Variants in HTR4 observed in about 807,000 individuals in gnomAD.
The protein encoded by HTR4 is 5-hydroxytryptamine receptor 4.
HTR4 carries 16 observed loss-of-function variants against 36.8 expected under a neutral mutation model. The observed-to-expected ratio is 0.43, with a 90% CI of 0.29 to 0.66. HTR4 has a LOEUF of 0.66. Ranked by LOEUF, HTR4 falls within the 30% of genes least tolerant of loss-of-function variation. HTR4 has a pLI of 0.13. For missense variants in HTR4, 438 were observed against 490.9 expected, an observed-to-expected ratio of 0.89 and a Z score of 1.02; for synonymous variants, 189 against 185.1, an observed-to-expected ratio of 1.02 and a Z score of -0.17.
intron 2 of HTR4, among the ~76,000 whole-genome samples, chr5:148,625,626 G>A (rs1049510359): frequency 1.3e-5 from 2 of 152,110 alleles, no homozygotes; most frequent in African/African-American, 4.8e-5. Flanking sequence ...TTGTCGCCAG[G>A]CTGGAGTGCA....
chr5:148,526,562 CA>C (rs1488634796), intron 4 of HTR4, among the ~76,000 whole-genome samples: 5 of 152,106 alleles, frequency 3.3e-5, no homozygotes, highest in African/African-American at 1.2e-4. Flanking sequence ...TTCAAAAACA[CA>C]AGGCCAAATT....
intron 2 of HTR4, among the ~76,000 whole-genome samples, chr5:148,622,852 CACAA>C (rs1436536895): frequency 2.0e-5 from 3 of 152,068 alleles, no homozygotes; most frequent in Non-Finnish European, 2.9e-5. Flanking sequence ...CCTTTTTAAC[CACAA>C]ACAGCCATAC....
At chr5:148,600,989 A>C (rs1184341168) in intron 2 of HTR4, among the ~76,000 whole-genome samples, 2 of 148,206 alleles carry the variant, frequency 1.3e-5, no homozygotes, top group East Asian at 1.9e-4. Context: ...AAAAAAAAAA[A>C]AAAAAAAAAA....
chr5:148,564,924 G>A (rs67809946), intron 2 of HTR4, among the ~76,000 whole-genome samples: 80,515 of 151,526 alleles, frequency 0.53, 22,480 homozygotes, highest in African/African-American at 0.72. Flanking sequence ...AGCCTGGCCA[G>A]TATGGTGAAA....
intron 1 of HTR4, among the ~76,000 whole-genome samples, chr5:148,647,701 T>C (rs984931982): frequency 4.6e-5 from 7 of 152,220 alleles, no homozygotes; most frequent in African/African-American, 1.7e-4. Flanking sequence ...GTACAAAAAT[T>C]AGCTGGGCGT....
rs754950488 is a variant in HTR4 at position 148,571,939 on chromosome 5, A to T, written c.27-21677T>A. Reference sequence around the variant, plus strand: ...GAATATCTAATTTGACAATATTTGCAAATCAAGTTTGTGGAATTTTGGTGT... The same window carrying T: ...GAATATCTAATTTGACAATATTTGCTAATCAAGTTTGTGGAATTTTGGTGT... On this transcript the variant is annotated intron_variant, in intron 2 of 6. Transcript: ENST00000377888. Among the ~76,000 whole-genome samples the T allele has an allele frequency of 5.9e-5, 9 of 152,248 alleles. No individual in the cohort carries two copies. In the South Asian group the frequency reaches 6.2e-4, roughly 11 times the overall value.
At chr5:148,514,760 A>AT (rs1327105621) in intron 5 of HTR4, among the ~76,000 whole-genome samples, 3 of 152,124 alleles carry the variant, frequency 2.0e-5, no homozygotes, top group African/African-American at 7.2e-5. Flanking sequence ...TTGAATTGAT[A>AT]TTTTTATCAT....
At chr5:148,622,535 G>T in intron 2 of HTR4, among the ~76,000 whole-genome samples, 1 of 152,152 alleles carries the variant, frequency 6.6e-6, no homozygotes, top group African/African-American at 2.4e-5. Flanking sequence ...ATACTCCTGT[G>T]TTTACTTACT....
downstream of HTR4, among the ~76,000 whole-genome samples, chr5:148,473,547 A>C (rs546050312): frequency 6.6e-6 from 1 of 152,304 alleles, no homozygotes; most frequent in South Asian, 2.1e-4. Flanking sequence ...ATCTTAGTGA[A>C]TCTCACTGGT....
chr5:148,581,485 C>G (rs1158426486), intron 2 of HTR4, among the ~76,000 whole-genome samples: 1 of 151,916 alleles, frequency 6.6e-6, no homozygotes, highest in African/African-American at 2.4e-5. Flanking sequence ...ATCTTATGTT[C>G]AAATCTGTAA....
At chr5:148,652,065 A>G (rs1754055470) in intron 1 of HTR4, among the ~76,000 whole-genome samples, 1 of 152,188 alleles carries the variant, frequency 6.6e-6, no homozygotes, top group South Asian at 2.1e-4. Flanking sequence ...CTAAAAAACT[A>G]ATTTAACTTG....
chr5:148,515,065 T>C (rs990765345), intron 5 of HTR4, among the ~76,000 whole-genome samples: 18 of 152,222 alleles, frequency 1.2e-4, no homozygotes, highest in African/African-American at 4.3e-4. Context: ...ATAATCTTAC[T>C]GTTATCTATT....
chr5:148,527,940 A>G (rs1758363155), intron 4 of HTR4, among the ~76,000 whole-genome samples: 2 of 152,168 alleles, frequency 1.3e-5, no homozygotes, highest in Non-Finnish European at 2.9e-5. Flanking sequence ...ATATACAGTC[A>G]GTTCCCTGGA....
At chr5:148,555,138 G>C (rs1759886164) in intron 2 of HTR4, among the ~76,000 whole-genome samples, 1 of 152,028 alleles carries the variant, frequency 6.6e-6, no homozygotes. Context: ...CTATATTGGG[G>C]GCAGGCTGGC....
At chr5:148,549,254 G>T (rs1190725996) in intron 3 of HTR4, among the ~76,000 whole-genome samples, 4 of 152,160 alleles carry the variant, frequency 2.6e-5, no homozygotes, top group African/African-American at 9.7e-5. Flanking sequence ...CCACCCGTCA[G>T]TCCTTGGTCG....
At chr5:148,490,722 C>G in intron 6 of HTR4, 1 of 1,260,740 alleles carries the variant, frequency 7.9e-7, no homozygotes, top group South Asian at 1.3e-5. Context: ...CTAGGAACTC[C>G]CTAGTAAGGC....
In HTR4 at chr5:148,592,156, CT is replaced by C. The variant is rs1761598144; in HGVS notation, c.27-41895del. Among the ~76,000 whole-genome samples the C allele has an allele frequency of 2.6e-5, 4 of 152,136 alleles. No homozygotes were observed. The South Asian group carries it at 8.3e-4, about 32-fold the overall frequency. On this transcript the variant is annotated intron_variant, in intron 2 of 6. Transcript: ENST00000377888. ...GGAACAAAAAATCAAATAACATGTTCTCACTGACAAGTGGGAGCTAAATGAT... is the reference window on the plus strand; with the variant it reads ...GGAACAAAAAATCAAATAACATGTTCCACTGACAAGTGGGAGCTAAATGAT...
intron 2 of HTR4, among the ~76,000 whole-genome samples, chr5:148,601,370 G>T (rs1041355776): frequency 6.6e-6 from 1 of 152,074 alleles, no homozygotes; most frequent in African/African-American, 2.4e-5. Context: ...TCAGAGTCTC[G>T]AAGAAATACC....
intron 2 of HTR4, among the ~76,000 whole-genome samples, chr5:148,635,481 T>G (rs1018185299): frequency 6.6e-6 from 1 of 152,160 alleles, no homozygotes; most frequent in Non-Finnish European, 1.5e-5. Context: ...TCCTGCACTA[T>G]TGTTCCACAG....
Sources: allele counts gnomAD v4.1 joint callset (sites outside exome capture counted in the v4.1 genomes callset), GRCh38; gene constraint gnomAD v4.1.1; transcripts MANE v1.5; gene names NCBI Gene and HGNC (gene_info 2026-07-23, HGNC 2026-07-21).